SHANK2: variants seen among roughly 807,000 people sequenced by gnomAD.
SHANK2 encodes SH3 and multiple ankyrin repeat domains 2.
A neutral mutation model predicts 133.7 loss-of-function variants in SHANK2; 43 were observed. The ratio of observed to expected loss-of-function variants is 0.32; its 90% CI spans 0.25 to 0.41. The LOEUF is 0.41. SHANK2 is among the 10% of genes least tolerant of loss of function. The probability of loss-of-function intolerance (pLI) is 1.00; values close to 1 mark genes in which losing one functional copy is unlikely to be tolerated. For synonymous variants in SHANK2, 1,017 were observed against 952.8 expected (o/e 1.07, Z -1.24); for missense variants, 1,994 against 2,235.8 (o/e 0.89, Z 2.18).
intron 14 of SHANK2, among the ~76,000 whole-genome samples, chr11:70,737,364 C>T (rs996411783): frequency 6.6e-6 from 1 of 152,234 alleles, no homozygotes; most frequent in African/African-American, 2.4e-5. Flanking sequence ...TGAAAATGAT[C>T]CTCACCCATC....
At chr11:71,116,396 C>A (rs1331816923) in intron 4 of SHANK2, among the ~76,000 whole-genome samples, 1 of 152,210 alleles carries the variant, frequency 6.6e-6, no homozygotes, top group Non-Finnish European at 1.5e-5. Context: ...GGAAACAATG[C>A]CTGTAAACTT....
intron 10 of SHANK2, among the ~76,000 whole-genome samples, chr11:70,918,726 G>T (rs920918427): frequency 6.6e-6 from 1 of 152,240 alleles, no homozygotes; most frequent in South Asian, 2.1e-4. Context: ...GACTGGTCTT[G>T]AACTCCTGAC....
At chr11:70,690,302 A>C (rs1555020640) in intron 15 of SHANK2, among the ~76,000 whole-genome samples, 1 of 152,050 alleles carries the variant, frequency 6.6e-6, no homozygotes, top group South Asian at 2.1e-4. Context: ...GAAAAACAAA[A>C]TCTTCATGTG....
intron 2 of SHANK2, among the ~76,000 whole-genome samples, chr11:71,218,451 C>T (rs576274203): frequency 1.7e-3 from 265 of 152,030 alleles, no homozygotes; most frequent in African/African-American, 5.4e-3. Flanking sequence ...TTCGTAGAGA[C>T]GGGGTTTCTC....
At chr11:70,924,724 A>T (rs573889186) in intron 10 of SHANK2, among the ~76,000 whole-genome samples, 1 of 152,246 alleles carries the variant, frequency 6.6e-6, no homozygotes, top group South Asian at 2.1e-4. Flanking sequence ...CCCAAAGTGC[A>T]GGGATTACAG....
intron 14 of SHANK2, among the ~76,000 whole-genome samples, chr11:70,766,638 T>C (rs190969798): frequency 1.3e-5 from 2 of 152,326 alleles, no homozygotes; most frequent in African/African-American, 4.8e-5. Flanking sequence ...TAGAGCAGTG[T>C]ACGTGGATAT....
At chr11:71,218,210 A>T (rs1263321792) in intron 2 of SHANK2, among the ~76,000 whole-genome samples, 2 of 151,730 alleles carry the variant, frequency 1.3e-5, no homozygotes, top group East Asian at 3.9e-4. Context: ...AAAAAGTTAC[A>T]GTAAGCTAAA....
At chr11:70,717,735 G>A (rs1945972705) in intron 14 of SHANK2, among the ~76,000 whole-genome samples, 2 of 152,052 alleles carry the variant, frequency 1.3e-5, no homozygotes, top group South Asian at 2.1e-4. Flanking sequence ...CATCTCACTC[G>A]GACCACTGCT....
At position 70,950,471 on chromosome 11, in the gene SHANK2, G is replaced by A. The variant is rs187956330; in HGVS notation, c.1108-53904C>T. On this transcript the variant is annotated intron_variant, in intron 10 of 25. Coordinates refer to ENST00000601538, the MANE Select transcript of SHANK2 (RefSeq NM_012309.5). ...CCCCCAAAGTGCTGGGATTACAGGC[G>A]TGAGCCACTGCACCAGGTCCACCTC... is the stretch of plus-strand genomic sequence containing the variant. Among the ~76,000 whole-genome samples the A allele has an allele frequency of 1.5e-3, 230 of 152,154 alleles. 1 individual carries two copies. The highest frequency in any genetic ancestry group is 5.3e-3 in the African/African-American group (220 of 41,528).
At chr11:70,700,138 A>C (rs1945486473) in intron 14 of SHANK2, among the ~76,000 whole-genome samples, 1 of 152,150 alleles carries the variant, frequency 6.6e-6, no homozygotes, top group South Asian at 2.1e-4. Flanking sequence ...GGAAGCTCCC[A>C]GCTGTCTCCA....
At chr11:70,690,126 G>A (rs1334894869) in intron 15 of SHANK2, among the ~76,000 whole-genome samples, 8 of 152,174 alleles carry the variant, frequency 5.3e-5, no homozygotes, top group Non-Finnish European at 8.8e-5. Context: ...GATGATCGTC[G>A]TGTACTGAGA....
intron 17 of SHANK2, among the ~76,000 whole-genome samples, chr11:70,509,783 G>C (rs1343122284): frequency 6.6e-6 from 1 of 152,220 alleles, no homozygotes; most frequent in South Asian, 2.1e-4. Flanking sequence ...TTATAAAAGG[G>C]ACCCTGGAGC....
chr11:70,559,935 G>A (rs1336902135), intron 17 of SHANK2, among the ~76,000 whole-genome samples: 1 of 152,078 alleles, frequency 6.6e-6, no homozygotes, highest in African/African-American at 2.4e-5. Flanking sequence ...ACAGTGGCGT[G>A]ATCTCAGCTC....
Position 71,095,206 on chromosome 11 carries a change from T to C in SHANK2, c.593-518A>G, listed in dbSNP as rs188111321. On this transcript the variant is annotated intron_variant, in intron 6 of 25. Coordinates refer to ENST00000601538, the MANE Select transcript of SHANK2 (RefSeq NM_012309.5). ...CCCTGGAGCTCCCAATCTGGGTAAG[T>C]GGAAACCTTCCTTCATTAACGCGGC... 2.3e-4 allele frequency among the ~76,000 whole-genome samples: 35 copies of C among 152,290 alleles called. No individual in the cohort carries two copies. The East Asian group carries it at 6.2e-3, about 27-fold the overall frequency.
At chr11:70,493,639 T>G (rs553766333) in intron 21 of SHANK2, among the ~76,000 whole-genome samples, 8 of 152,058 alleles carry the variant, frequency 5.3e-5, no homozygotes, top group Non-Finnish European at 1.0e-4. Flanking sequence ...CGATGTGCAT[T>G]CTGGAAAAGG....
At chr11:70,912,826 G>A (rs542840753) in intron 10 of SHANK2, among the ~76,000 whole-genome samples, 8 of 152,032 alleles carry the variant, frequency 5.3e-5, no homozygotes, top group East Asian at 1.9e-4. Flanking sequence ...GTGTTTACAC[G>A]GGGTTTTATT....
intron 14 of SHANK2, among the ~76,000 whole-genome samples, chr11:70,752,147 CT>C (rs1946760803): frequency 6.6e-6 from 1 of 152,054 alleles, no homozygotes; most frequent in Non-Finnish European, 1.5e-5. Flanking sequence ...TGTGATCTCA[CT>C]TTCTTATCCA....
chr11:70,944,100 T>G (rs546822225), intron 10 of SHANK2: 20 of 386,120 alleles, frequency 5.2e-5, no homozygotes, highest in Admixed American at 4.5e-4. Context: ...TGCAATTCTA[T>G]TTCCCTCGAG....
At chr11:70,660,654 G>T (rs1227643367) in intron 16 of SHANK2, among the ~76,000 whole-genome samples, 2 of 152,160 alleles carry the variant, frequency 1.3e-5, no homozygotes, top group Non-Finnish European at 2.9e-5. Flanking sequence ...CCAAGGGTGG[G>T]TGGGTGTGGA....
Sources: allele counts gnomAD v4.1 joint callset (sites outside exome capture counted in the v4.1 genomes callset), GRCh38; gene constraint gnomAD v4.1.1; transcripts MANE v1.5; gene names NCBI Gene and HGNC (gene_info 2026-07-23, HGNC 2026-07-21).